LAMC3: variants seen among roughly 807,000 people sequenced by gnomAD.
LAMC3 encodes laminin subunit gamma-3.
Under a neutral mutation model 173.8 loss-of-function variants are expected in LAMC3, and 128 were observed. The ratio of observed to expected loss-of-function variants is 0.74; its 90% CI spans 0.64 to 0.85. LAMC3 has a LOEUF of 0.85. Among genes scored for constraint, LAMC3 ranks in the 40% least tolerant of loss-of-function variants. The pLI, the probability that LAMC3 is intolerant of heterozygous loss-of-function variation, is 0.00. For synonymous variants in LAMC3, 897 were observed against 909.1 expected, an observed-to-expected ratio of 0.99 and a Z score of 0.24; for missense variants, 2,022 against 2,156.0, an observed-to-expected ratio of 0.94 and a Z score of 1.23.
At chr9:131,010,786 T>G (rs1469629752) in intron 1 of LAMC3, among the ~76,000 whole-genome samples, 1 of 152,248 alleles carries the variant, frequency 6.6e-6, no homozygotes, top group Non-Finnish European at 1.5e-5. Context: ...CAGAAGCCCT[T>G]AGATCTCCAG....
At chr9:131,054,482 G>A (rs183653156) in intron 11 of LAMC3, among the ~76,000 whole-genome samples, 69 of 152,190 alleles carry the variant, frequency 4.5e-4, no homozygotes, top group Non-Finnish European at 8.5e-4. Flanking sequence ...AGCCGGGCGT[G>A]GTGGCTCACG....
At chr9:131,032,731 C>T (rs1314623611) in intron 3 of LAMC3, among the ~76,000 whole-genome samples, 1 of 152,152 alleles carries the variant, frequency 6.6e-6, no homozygotes, top group Non-Finnish European at 1.5e-5. Flanking sequence ...TGCAGTGGTG[C>T]AATCTCAGCT....
At chr9:131,066,561 G>A (rs1257487925) in intron 13 of LAMC3, among the ~76,000 whole-genome samples, 1 of 152,076 alleles carries the variant, frequency 6.6e-6, no homozygotes, top group Non-Finnish European at 1.5e-5. Context: ...AGGTGCTGCT[G>A]GGGATAGTGG....
intron 14 of LAMC3, among the ~76,000 whole-genome samples, chr9:131,067,853 T>C (rs576593752): frequency 6.6e-6 from 1 of 152,290 alleles, no homozygotes; most frequent in African/African-American, 2.4e-5. Flanking sequence ...AGAAGGATTG[T>C]CTGTTACCAT....
At chr9:131,046,846 A>C (rs1391330358) in intron 8 of LAMC3, among the ~76,000 whole-genome samples, 1 of 151,470 alleles carries the variant, frequency 6.6e-6, no homozygotes, top group East Asian at 1.9e-4. Flanking sequence ...GCGAGGCATC[A>C]GCTGAAACAG....
chr9:131,084,962 T>G (rs1015959135), intron 24 of LAMC3, among the ~76,000 whole-genome samples: 19 of 151,478 alleles, frequency 1.3e-4, no homozygotes, highest in African/African-American at 4.1e-4. Flanking sequence ...AAAAAGAGAA[T>G]TGTAACATTT....
rs117422463 is a variant in LAMC3 at position 131,011,352 on chromosome 9, G to A, written c.373+1765G>A. On this transcript the variant is annotated intron_variant, in intron 1 of 27. Transcript: ENST00000361069. ...AGGTTGTTTTGCCCAAAGGCACAGA[G>A]CTGCTAAGTGAGCATCTGAGCGTGG... Among the ~76,000 whole-genome samples, 963 of 152,316 alleles carry A rather than the reference G, an allele frequency of 6.3e-3. 1 individual carries two copies. Among genetic ancestry groups the A allele is most frequent in the Non-Finnish European group, 9.5e-3 (646 of 68,034 alleles).
At chr9:131,016,567 G>T (rs1833522460) in intron 1 of LAMC3, among the ~76,000 whole-genome samples, 1 of 152,178 alleles carries the variant, frequency 6.6e-6, no homozygotes, top group African/African-American at 2.4e-5. Context: ...ATTCATCGAG[G>T]CGTTCTTTAT....
intron 23 of LAMC3, 46 bp from the exon 24 acceptor site, chr9:131,082,013 T>C (rs1322190625): frequency 6.7e-7 from 1 of 1,490,096 alleles, no homozygotes; most frequent in East Asian, 2.3e-5. Flanking sequence ...CCCTGGGCCC[T>C]GCTCCTGTGG....
At chr9:131,066,194 C>T (rs1448004713) in intron 13 of LAMC3, among the ~76,000 whole-genome samples, 1 of 151,118 alleles carries the variant, frequency 6.6e-6, no homozygotes, top group Non-Finnish European at 1.5e-5. Context: ...GACTGCATCT[C>T]AAAAAAATAA....
chr9:131,083,511 T>TA (rs58350332), intron 24 of LAMC3, among the ~76,000 whole-genome samples: 24,433 of 152,164 alleles, frequency 0.16, 3,243 homozygotes, highest in African/African-American at 0.36. Context: ...AGCCTATTGA[T>TA]ACGCTCTGCC....
chr9:131,031,188 G>A (rs1463486144), intron 2 of LAMC3, among the ~76,000 whole-genome samples: 1 of 152,256 alleles, frequency 6.6e-6, no homozygotes. Context: ...GCACTGATGG[G>A]CCTGATTGCT....
intron 3 of LAMC3, among the ~76,000 whole-genome samples, chr9:131,033,558 G>A (rs915719149): frequency 2.6e-5 from 4 of 152,098 alleles, no homozygotes; most frequent in African/African-American, 9.7e-5. Flanking sequence ...GCCTGGGCGG[G>A]TTTAGCCTCA....
rs1363768527 is a variant in LAMC3, at chr9:131,091,537, G to T, written c.4478G>T (p.Gly1493Val). 10 of 1,578,296 alleles carry T rather than the reference G, an allele frequency of 6.3e-6. 1 individual carries two copies. In the South Asian group the frequency reaches 1.2e-4, roughly 18 times the overall value. The change falls in exon 28 of 28, where the codon GGG (glycine) becomes GTG (valine). Residue 1493 changes from glycine (G) to valine (V), a missense_variant and splice_region_variant. Gly to Val is a moderately radical substitution (Grantham distance 109, BLOSUM62 -3). Coordinates refer to ENST00000361069, the MANE Select transcript of LAMC3 (RefSeq NM_006059.4). ...ETLSELLARLGSLDTHQAPAQ... is the reference protein window; with the variant it reads ...ETLSELLARLVSLDTHQAPAQ... The stretch of plus-strand genomic sequence containing the variant: ...TGAGGCTGTTTGTGCCCCACCACAG[G>T]GTCGCTGGACACCCATCAAGCCCCA...
chr9:131,076,264 A>AC (rs565274212), intron 21 of LAMC3, among the ~76,000 whole-genome samples: 3 of 150,790 alleles, frequency 2.0e-5, no homozygotes, highest in African/African-American at 4.9e-5. Flanking sequence ...GCATTCCCTG[A>AC]CCCCCCTGGC....
Position 131,064,793 on chromosome 9 carries a change from T to C in LAMC3, c.2348-2167T>C, listed in dbSNP as rs563173377. Among the ~76,000 whole-genome samples, 59 of 152,122 alleles carry C rather than the reference T, an allele frequency of 3.9e-4. 1 individual carries two copies. The South Asian group carries it at 0.012, about 31-fold the overall frequency. The stretch of plus-strand genomic sequence containing the variant: ...GCTTACACCTGTAATCCCAGCACTT[T>C]GGGAGGCTGAGCCAAGGCAGGCGGA... On this transcript the variant is annotated intron_variant, in intron 13 of 27. Transcript: ENST00000361069.
At chr9:131,056,560 C>T (rs566887843) in intron 11 of LAMC3, among the ~76,000 whole-genome samples, 186 of 150,322 alleles carry the variant, frequency 1.2e-3, no homozygotes, top group South Asian at 7.0e-3. Flanking sequence ...TTTGGGAGGC[C>T]AAGGCAGGAG....
At chr9:131,090,688 T>C (rs1379046056) in intron 27 of LAMC3, among the ~76,000 whole-genome samples, 1 of 152,120 alleles carries the variant, frequency 6.6e-6, no homozygotes, top group African/African-American at 2.4e-5. Flanking sequence ...GTCAGGAGTT[T>C]GAGACCAGCC....
chr9:131,026,466 G>A lies in LAMC3; in HGVS notation c.555G>A (p.Glu185=). The change falls in exon 2 of 28, where the codon GAG becomes GAA. Residue 185 remains glutamate, a synonymous_variant. Coordinates refer to ENST00000361069, the MANE Select transcript of LAMC3 (RefSeq NM_006059.4). This position sits in a 1 kb window ranked among gnomAD's most constrained non-coding sequence, Gnocchi z 4.8. ...AGTACCTGCGCCCCGGCGAGGACGA[G>A]CGCGTGGCCTTCTGCACCTCTGAGT... The part of the protein sequence containing the change: ...EGQYLRPGED[E]RVAFCTSEFS... 6.2e-7 allele frequency: 1 copy of A among 1,613,552 alleles called. No homozygotes were observed. Among genetic ancestry groups the A allele is most frequent in the Non-Finnish European group, 8.5e-7 (1 of 1,179,890 alleles).
Sources: allele counts gnomAD v4.1 joint callset (sites outside exome capture counted in the v4.1 genomes callset), GRCh38; gene constraint gnomAD v4.1.1; non-coding constraint Gnocchi (gnomAD v3.1); transcripts MANE v1.5; gene names NCBI Gene and HGNC (gene_info 2026-07-23, HGNC 2026-07-21).